The following RABL6 variants were observed in gnomAD, a reference collection of about 807,000 sequenced individuals.
RABL6 encodes the protein rab-like protein 6.
In RABL6, 28 loss-of-function variants were observed where a neutral mutation model predicts 72.9. The ratio of observed to expected loss-of-function variants is 0.38; its 90% CI spans 0.28 to 0.53. RABL6 has a LOEUF of 0.53. Among genes scored for constraint, RABL6 ranks in the 20% least tolerant of loss-of-function variants. The pLI is 0.80. For missense variants in RABL6, 1,029 were observed against 1,008.4 expected, an observed-to-expected ratio of 1.02 and a Z score of -0.28; for synonymous variants, 477 against 421.2, an observed-to-expected ratio of 1.13 and a Z score of -1.62.
intron 1 of RABL6, among the ~76,000 whole-genome samples, chr9:136,810,578 G>C (rs2131152500): frequency 6.6e-6 from 1 of 152,132 alleles, no homozygotes; most frequent in African/African-American, 2.4e-5. Context: ...GTTTTGCTGT[G>C]TCTCCCAGGC....
chr9:136,838,442 C>G (rs1386618026), intron 10 of RABL6, among the ~76,000 whole-genome samples: 1 of 152,172 alleles, frequency 6.6e-6, no homozygotes, highest in African/African-American at 2.4e-5. Flanking sequence ...ATCTGCCAGC[C>G]CCTCCCACCA....
chr9:136,815,319 C>G (rs968754949), intron 1 of RABL6: 1 of 276,402 alleles, frequency 3.6e-6, no homozygotes, highest in East Asian at 1.0e-4. Flanking sequence ...GGGTGTGGCA[C>G]CTGCAGCCTT....
intron 7 of RABL6, chr9:136,832,867 C>G (rs182641368): frequency 3.1e-6 from 1 of 318,648 alleles, no homozygotes; most frequent in South Asian, 2.6e-5. Context: ...GGACTAAACT[C>G]ACTTTCCTTT....
intron 3 of RABL6, 64 bp from the exon 4 acceptor site, chr9:136,828,430 T>G: frequency 6.4e-7 from 1 of 1,559,848 alleles, no homozygotes. Context: ...GGGGGGACCA[T>G]GCTCCTCCTA....
intron 1 of RABL6, 198 bp downstream of exon 1, chr9:136,808,524 C>A: frequency 2.5e-6 from 1 of 403,020 alleles, no homozygotes. Flanking sequence ...GTCCTCGCGG[C>A]CCCCGAGCCG....
chr9:136,832,898 A>G, intron 7 of RABL6: 1 of 324,704 alleles, frequency 3.1e-6, no homozygotes, highest in South Asian at 2.5e-5. Flanking sequence ...GGGCCAGGCC[A>G]GCTGTGGCTG....
At chr9:136,811,110 G>T (rs567468043) in intron 1 of RABL6, among the ~76,000 whole-genome samples, 1 of 152,218 alleles carries the variant, frequency 6.6e-6, no homozygotes, top group South Asian at 2.1e-4. Flanking sequence ...TATTTGAAGA[G>T]ATTTATTTTT....
At chr9:136,835,927 A>C in intron 8 of RABL6, 82 bp downstream of exon 8, 1 of 1,304,880 alleles carries the variant, frequency 7.7e-7, no homozygotes. Context: ...TGCACCAAGG[A>C]GACAGCAGAG....
intron 7 of RABL6, chr9:136,834,072 G>C: frequency 7.0e-7 from 1 of 1,432,476 alleles, no homozygotes; most frequent in Non-Finnish European, 9.2e-7. Flanking sequence ...TTTTGCTATG[G>C]ATGTGTTCAA....
rs139947951 is a variant in RABL6, at chr9:136,834,693, G to A, written c.706-1049G>A. On this transcript the variant is annotated intron_variant, in intron 7 of 14. Coordinates refer to ENST00000311502, the MANE Select transcript of RABL6 (RefSeq NM_024718.5). ...GGGGTTTTGCCATATTGGCCAGGAC[G>A]GTCTCGATCTCTTGACCTCGTGATC... Among the ~76,000 whole-genome samples, 87 of 152,202 alleles carry A rather than the reference G, an allele frequency of 5.7e-4. 1 individual carries two copies. The East Asian group carries it at 0.012, about 21-fold the overall frequency.
At chr9:136,820,684 A>T (rs1433985926) in intron 1 of RABL6, among the ~76,000 whole-genome samples, 1 of 152,204 alleles carries the variant, frequency 6.6e-6, no homozygotes, top group Non-Finnish European at 1.5e-5. Context: ...AATAATTTTT[A>T]AAAAGCAAAA....
rs752851032 is a variant in RABL6, at chr9:136,808,337, C to G, written c.130+11C>G. The G allele has an allele frequency of 6.6e-7, 1 of 1,511,010 alleles. No individual in the cohort carries two copies. Among genetic ancestry groups the G allele is most frequent in the Non-Finnish European group, 8.8e-7 (1 of 1,130,208 alleles). The allele number at this position is 1,511,010 out of a possible 1,614,324, so 93.6% of individuals were successfully genotyped here. A position where few individuals can be genotyped will look rare whatever the true frequency, so the allele number is the denominator to read the frequency against. On this transcript the variant is annotated intron_variant, in intron 1 of 14. Coordinates refer to ENST00000311502, the MANE Select transcript of RABL6 (RefSeq NM_024718.5). ...GGGTGCAGTACAACAGTGAGTGCGGCGGGCCGGGGGGGCGCGGGAGCGCCG... is the reference window on the plus strand; with the variant it reads ...GGGTGCAGTACAACAGTGAGTGCGGGGGGCCGGGGGGGCGCGGGAGCGCCG...
intron 5 of RABL6, among the ~76,000 whole-genome samples, chr9:136,830,510 C>T (rs1023120722): frequency 5.3e-5 from 8 of 152,278 alleles, no homozygotes; most frequent in South Asian, 2.1e-4. Context: ...CCCCAGGGCA[C>T]GAGTTCAGCT....
At chr9:136,835,104 A>T (rs1361148306) in intron 7 of RABL6, 6 of 152,120 alleles carry the variant, frequency 3.9e-5, no homozygotes, top group Non-Finnish European at 7.3e-5. Flanking sequence ...TCTCTATTTA[A>T]AAAAAGAGAA....
At chr9:136,834,159 G>C in intron 7 of RABL6, 2 of 1,275,050 alleles carry the variant, frequency 1.6e-6, no homozygotes, top group Non-Finnish European at 2.0e-6. Flanking sequence ...TTGCCTGGAA[G>C]CAAATTTCAG....
At chr9:136,833,847 G>C (rs1429522496) in intron 7 of RABL6, 19 of 1,550,536 alleles carry the variant, frequency 1.2e-5, no homozygotes, top group Non-Finnish European at 1.7e-5. Flanking sequence ...AGTCAGACTT[G>C]TCCTGTGCCG....
intron 2 of RABL6, among the ~76,000 whole-genome samples, chr9:136,824,354 A>G (rs1178791319): frequency 9.1e-6 from 1 of 109,926 alleles, no homozygotes; most frequent in Non-Finnish European, 1.7e-5. Context: ...TTTTTTTGAG[A>G]CAGAGTCTCA....
chr9:136,818,894 T>C (rs1564361125), intron 1 of RABL6, among the ~76,000 whole-genome samples: 1 of 152,216 alleles, frequency 6.6e-6, no homozygotes, highest in Non-Finnish European at 1.5e-5. Flanking sequence ...CTCTATATTA[T>C]TATTAAGAAG....
chr9:136,822,632 TC>T, intron 1 of RABL6, among the ~76,000 whole-genome samples: 1 of 152,076 alleles, frequency 6.6e-6, no homozygotes, highest in Admixed American at 6.5e-5. Context: ...AAGTCCGTGC[TC>T]CCCTCCCAGC....
Sources: allele counts gnomAD v4.1 joint callset (sites outside exome capture counted in the v4.1 genomes callset), GRCh38; gene constraint gnomAD v4.1.1; transcripts MANE v1.5; gene names NCBI Gene and HGNC (gene_info 2026-07-23, HGNC 2026-07-21).